Variants in RGS9 observed in about 807,000 individuals in gnomAD.
RGS9 encodes the protein regulator of G protein signaling 9.
Under a neutral mutation model 102.0 loss-of-function variants are expected in RGS9, and 78 were observed. The ratio of observed to expected loss-of-function variants is 0.76; its 90% CI spans 0.64 to 0.92. The LOEUF is 0.92. Among genes scored for constraint, RGS9 ranks in the 40% least tolerant of loss-of-function variants. The pLI, the probability that RGS9 is intolerant of heterozygous loss-of-function variation, is 0.00. For missense variants in RGS9, 833 were observed against 866.1 expected (o/e 0.96, Z 0.48); for synonymous variants, 353 against 318.6 (o/e 1.11, Z -1.15).
chr17:65,210,727 A>AGTCTAGAAG (rs1332055660), intron 17 of RGS9, 122 bp downstream of exon 17: 3 of 1,516,862 alleles, frequency 2.0e-6, no homozygotes, highest in East Asian at 4.8e-5. Context: ...GTAGGGTCAG[A>AGTCTAGAAG]GTCTAGAAGG....
intron 14 of RGS9, among the ~76,000 whole-genome samples, chr17:65,203,346 G>A (rs1912928677): frequency 6.6e-6 from 1 of 152,112 alleles, no homozygotes; most frequent in Non-Finnish European, 1.5e-5. Context: ...GCAGTACAAT[G>A]GGTGCCTGAT....
chr17:65,142,574 CTTT>C (rs745663576), intron 1 of RGS9, among the ~76,000 whole-genome samples: 6 of 137,790 alleles, frequency 4.4e-5, no homozygotes, highest in Admixed American at 7.3e-5. Context: ...CCCTTCCTTT[CTTT>C]TTTTTTTTTT....
At chr17:65,145,886 C>CG (rs11448045) in intron 1 of RGS9, among the ~76,000 whole-genome samples, 33,758 of 151,836 alleles carry the variant, frequency 0.22, 10,077 homozygotes, top group African/African-American at 0.68. Context: ...GAAAAAGGAT[C>CG]GGATCCCAAT....
chr17:65,213,311 A>G (rs1044198328), intron 17 of RGS9, among the ~76,000 whole-genome samples: 1 of 152,256 alleles, frequency 6.6e-6, no homozygotes, highest in South Asian at 2.1e-4. Flanking sequence ...TTGAGACATC[A>G]AAGGCATTTT....
intron 14 of RGS9, 76 bp downstream of exon 14, chr17:65,202,156 T>G (rs1313492528): frequency 9.9e-7 from 1 of 1,006,346 alleles, no homozygotes; most frequent in Non-Finnish European, 1.6e-6. Context: ...GAGGTGAAGA[T>G]AGGATGAGAG....
In RGS9 at chr17:65,195,540, C is replaced by T. The variant is rs8072633; in HGVS notation, c.861-1586C>T. The stretch of plus-strand genomic sequence containing the variant: ...CAACTGTGCCGCGTACACTGAACCC[C>T]GTTTTTAGTCTTATATCCCTCACTC... On this transcript the variant is annotated intron_variant, in intron 12 of 18. Coordinates refer to ENST00000262406, the MANE Select transcript of RGS9 (RefSeq NM_003835.4). Among the ~76,000 whole-genome samples the T allele has an allele frequency of 6.5e-3, 984 of 152,026 alleles. 4 individuals carry two copies. Among genetic ancestry groups the T allele is most frequent in the African/African-American group, 0.021 (883 of 41,400 alleles).
In RGS9 at chr17:65,173,915, G is replaced by A. The variant is rs1911515936; in HGVS notation, c.583-3817G>A. ...AGGCAGCCCTCTCACCAGTTTCGAG[G>A]GCAGGGAACTGGAAAAGGACCACAG... On this transcript the variant is annotated intron_variant, in intron 8 of 18. Coordinates refer to ENST00000262406, the MANE Select transcript of RGS9 (RefSeq NM_003835.4). This position sits in a 1 kb window ranked among gnomAD's most constrained non-coding sequence, Gnocchi z 4.8. Among the ~76,000 whole-genome samples the A allele has an allele frequency of 6.6e-6, 1 of 152,218 alleles. No individual in the cohort carries two copies. The highest frequency in any genetic ancestry group is 2.4e-5 in the African/African-American group (1 of 41,450).
chr17:65,203,374 C>T (rs751408286), intron 14 of RGS9, among the ~76,000 whole-genome samples: 5 of 152,150 alleles, frequency 3.3e-5, no homozygotes, highest in East Asian at 1.9e-4. Flanking sequence ...CACACAGTGA[C>T]GCACACACAA....
intron 2 of RGS9, among the ~76,000 whole-genome samples, chr17:65,155,956 C>A (rs1910751941): frequency 6.6e-6 from 1 of 152,202 alleles, no homozygotes; most frequent in African/African-American, 2.4e-5. Flanking sequence ...TCCTTAAGCT[C>A]ATTTCATGAG....
intron 17 of RGS9, among the ~76,000 whole-genome samples, chr17:65,214,869 C>T (rs1281693231): frequency 2.0e-5 from 3 of 152,154 alleles, no homozygotes; most frequent in African/African-American, 4.8e-5. Context: ...GTCTCATAAG[C>T]GCCACTCCCC....
chr17:65,222,998 C>G (rs965480726), intron 17 of RGS9, among the ~76,000 whole-genome samples: 18 of 152,134 alleles, frequency 1.2e-4, no homozygotes, highest in African/African-American at 4.1e-4. Context: ...GCCCACTGTT[C>G]CTGGCAGGGT....
At chr17:65,197,668 C>G (rs561549942) in intron 13 of RGS9, among the ~76,000 whole-genome samples, 16 of 151,582 alleles carry the variant, frequency 1.1e-4, no homozygotes, top group Admixed American at 1.3e-4. Context: ...TTCTTTGTTT[C>G]TTTCTTTTTT....
chr17:65,174,510 AAT>A (rs1567872370), intron 8 of RGS9, among the ~76,000 whole-genome samples: 1 of 151,836 alleles, frequency 6.6e-6, no homozygotes, highest in Non-Finnish European at 1.5e-5. Flanking sequence ...TGTATGTGAG[AAT>A]ATGTATGTAT....
chr17:65,169,441 C>T lies in RGS9; in HGVS notation c.582+1160C>T, dbSNP rs531374805. ...GATAAGCACCCCTCCTGGTTGGTAG[C>T]GAAGAAACTCTTTGTATGAGAAGGA... On this transcript the variant is annotated intron_variant, in intron 8 of 18. Coordinates refer to ENST00000262406, the MANE Select transcript of RGS9 (RefSeq NM_003835.4). Among the ~76,000 whole-genome samples the T allele has an allele frequency of 9.1e-4, 138 of 152,198 alleles. 1 individual carries two copies. The South Asian group carries it at 0.022, about 24-fold the overall frequency.
chr17:65,221,905 C>T (rs1913717709), intron 17 of RGS9, among the ~76,000 whole-genome samples: 1 of 152,232 alleles, frequency 6.6e-6, no homozygotes, highest in Non-Finnish European at 1.5e-5. Context: ...AAAGACCCCG[C>T]TTCCTAATAC....
chr17:65,139,422 C>T (rs574328596), intron 1 of RGS9, among the ~76,000 whole-genome samples: 2 of 152,030 alleles, frequency 1.3e-5, no homozygotes, highest in African/African-American at 4.8e-5. Flanking sequence ...GCCTGGTTAC[C>T]CAGGATTCCG....
chr17:65,153,708 G>A (rs1598563968), intron 2 of RGS9, among the ~76,000 whole-genome samples, 190 bp downstream of exon 2: 1 of 151,610 alleles, frequency 6.6e-6, no homozygotes, highest in Non-Finnish European at 1.5e-5. Flanking sequence ...TGGCTAACAC[G>A]GTGAAACCTT....
intron 8 of RGS9, among the ~76,000 whole-genome samples, chr17:65,175,536 G>C (rs1294905060): frequency 1.3e-5 from 2 of 152,152 alleles, no homozygotes; most frequent in Admixed American, 6.5e-5. Context: ...GAGACTGGGA[G>C]TGCCTCAGTA....
intron 1 of RGS9, among the ~76,000 whole-genome samples, chr17:65,139,108 CT>C (rs1910045868): frequency 9.8e-5 from 4 of 40,924 alleles, no homozygotes; most frequent in East Asian, 9.8e-4. Context: ...GCTCTCCCCC[CT>C]CCACCCCACC....
Sources: gnomAD v4.1 joint callset for allele counts (sites outside exome capture counted in the v4.1 genomes callset) on GRCh38, gnomAD v4.1.1 for gene constraint, Gnocchi (gnomAD v3.1) non-coding constraint, MANE v1.5 for transcripts, NCBI Gene and HGNC (gene_info 2026-07-23, HGNC 2026-07-21) for gene names.